The following USP13 variants were observed in gnomAD, a reference collection of about 807,000 sequenced individuals.
The protein encoded by USP13 is ubiquitin carboxyl-terminal hydrolase 13.
USP13 carries 68 observed loss-of-function variants against 107.8 expected under a neutral mutation model. That is an observed-to-expected ratio of 0.63 (90% CI 0.52 to 0.77). The LOEUF (loss-of-function observed/expected upper bound fraction) is 0.77. Ranked by LOEUF, USP13 falls within the 30% of genes least tolerant of loss-of-function variation. The pLI, the probability that USP13 is intolerant of heterozygous loss-of-function variation, is 0.00. For synonymous variants in USP13, 377 were observed against 389.5 expected, an observed-to-expected ratio of 0.97 and a Z score of 0.38; for missense variants, 945 against 1,093.3, an observed-to-expected ratio of 0.86 and a Z score of 1.91.
chr3:179,682,041 T>G, intron 2 of USP13, 38 bp downstream of exon 2: 3 of 1,593,636 alleles, frequency 1.9e-6, no homozygotes, highest in Non-Finnish European at 2.6e-6. Flanking sequence ...CCTTGATGTC[T>G]TCCCTGTAAC....
intron 3 of USP13, 27 bp downstream of exon 3, chr3:179,690,328 G>A (rs1560050102): frequency 6.2e-7 from 1 of 1,607,260 alleles, no homozygotes. Context: ...AGCATGCTCA[G>A]ATTTTGTGTT....
At chr3:179,762,396 C>T (rs906999130) in intron 17 of USP13, among the ~76,000 whole-genome samples, 9 of 152,302 alleles carry the variant, frequency 5.9e-5, no homozygotes, top group Middle Eastern at 6.8e-3. Flanking sequence ...GCCTGGCCAA[C>T]ATGGTGAAAC....
chr3:179,742,285 G>T lies in USP13; in HGVS notation c.1469G>T (p.Arg490Leu). The change falls in exon 12 of 21, where the codon CGC becomes CTC. Residue 490 changes from arginine (R) to leucine (L), a missense_variant. Physicochemically the swap from Arg to Leu is moderately radical, Grantham distance 102 (BLOSUM62 -2). Transcript: ENST00000263966. The surrounding 1 kb of genome is among the most constrained non-coding windows in gnomAD (Gnocchi z 5.0). ...RIQCCQTRKV[R>L]YTERVDYLMQ... ...CAGTGCTGTCAGACCCGGAAAGTCC[G>T]CTACACGGAGAGGGTGGATTACCTG... 6.2e-7 allele frequency: 1 copy of T among 1,614,204 alleles called. No individual in the cohort carries two copies. Among genetic ancestry groups the T allele is most frequent in the Non-Finnish European group, 8.5e-7 (1 of 1,180,044 alleles).
chr3:179,684,866 A>G (rs774324305), intron 2 of USP13, among the ~76,000 whole-genome samples: 1 of 146,594 alleles, frequency 6.8e-6, no homozygotes, highest in Non-Finnish European at 1.5e-5. Context: ...TTATTTTTCT[A>G]TATGGATTAT....
At chr3:179,723,599 T>G (rs1049386813) in intron 8 of USP13, among the ~76,000 whole-genome samples, 4 of 152,210 alleles carry the variant, frequency 2.6e-5, no homozygotes, top group African/African-American at 9.7e-5. Context: ...GAATTTAGTA[T>G]TTGAATCTCT....
chr3:179,789,026 A>G lies in USP13; in HGVS notation c.*4885A>G, dbSNP rs1199821962. The G allele has an allele frequency of 6.6e-6, 1 of 152,142 alleles. No homozygotes were observed. 9.4% of individuals were successfully genotyped at this position (152,142 alleles called of 1,614,324 possible). On this transcript the variant is annotated 3_prime_UTR_variant, in exon 21 of 21. Transcript: ENST00000263966. ...TACCTTTGCTCTTCTAGCATCTTCT[A>G]GGTACCAAGGATATTAGCCACTTGA...
At chr3:179,664,236 T>A (rs1032589758) in intron 1 of USP13, among the ~76,000 whole-genome samples, 3 of 151,672 alleles carry the variant, frequency 2.0e-5, no homozygotes, top group African/African-American at 4.8e-5. Context: ...GGATTACAGG[T>A]GTGTACCACC....
chr3:179,707,123 A>T, intron 5 of USP13, 47 bp downstream of exon 5: 1 of 1,553,486 alleles, frequency 6.4e-7, no homozygotes, highest in Non-Finnish European at 8.7e-7. Flanking sequence ...AAAACTGTCC[A>T]AAGGAATATT....
Position 179,740,305 on chromosome 3 carries a change from C to A in USP13, c.1313C>A (p.Pro438Gln), listed in dbSNP as rs776225594. The A allele has an allele frequency of 6.2e-7, 1 of 1,614,100 alleles. No homozygotes were observed. The highest frequency in any genetic ancestry group is 1.7e-5 in the Admixed American group (1 of 60,016). ...AAGGCCTTTGTAAGCAAGAGCCACC[C>A]GGAATTCTCCTCTAACAGGCAGCAA... ...MFKAFVSKSHPEFSSNRQQDA... is the reference protein window; with the variant it reads ...MFKAFVSKSHQEFSSNRQQDA... The change falls in exon 11 of 21, where the codon CCG becomes CAG. Residue 438 changes from proline (P) to glutamine (Q), a missense_variant. Coordinates refer to ENST00000263966, the MANE Select transcript of USP13 (RefSeq NM_003940.3).
chr3:179,786,461 C>T lies in USP13; in HGVS notation c.*2320C>T, dbSNP rs1207463502. On this transcript the variant is annotated 3_prime_UTR_variant, in exon 21 of 21. Coordinates refer to ENST00000263966, the MANE Select transcript of USP13 (RefSeq NM_003940.3). ...TAAATTGTTTGATTTCATTAACTAG[C>T]CCTTTTGATGCCTAGACATGTTGTA... 6.6e-6 allele frequency: 1 copy of T among 152,130 alleles called. No individual in the cohort carries two copies. Among genetic ancestry groups the T allele is most frequent in the Non-Finnish European group, 1.5e-5 (1 of 68,026 alleles). The allele number at this position is 152,130 out of a possible 1,614,324, so 9.4% of individuals were successfully genotyped here. A position where few individuals can be genotyped will look rare whatever the true frequency, so the allele number is the denominator to read the frequency against.
chr3:179,783,695 G>A (rs149866532), intron 20 of USP13, among the ~76,000 whole-genome samples: 124 of 152,126 alleles, frequency 8.2e-4, no homozygotes, highest in Middle Eastern at 3.4e-3. Context: ...CTTTTTGATG[G>A]AGCTTAAGAA....
At chr3:179,725,914 A>G (rs1393926644) in intron 8 of USP13, among the ~76,000 whole-genome samples, 1 of 152,174 alleles carries the variant, frequency 6.6e-6, no homozygotes, top group Non-Finnish European at 1.5e-5. Context: ...AACAGGATGG[A>G]AAGACCTCCT....
At chr3:179,730,467 A>T (rs916829067) in intron 9 of USP13, 149 bp from the exon 10 acceptor site, 1 of 831,196 alleles carries the variant, frequency 1.2e-6, no homozygotes, top group Non-Finnish European at 1.8e-6. Context: ...AGTATGAAGC[A>T]GAATCAAATA....
intron 4 of USP13, among the ~76,000 whole-genome samples, chr3:179,706,589 G>T (rs1011733185): frequency 1.3e-5 from 2 of 152,276 alleles, no homozygotes. Context: ...TAAATCCTGG[G>T]CATTCCTGTA....
chr3:179,749,231 A>G (rs1411615400), intron 13 of USP13, among the ~76,000 whole-genome samples: 2 of 152,178 alleles, frequency 1.3e-5, no homozygotes, highest in Non-Finnish European at 2.9e-5. Flanking sequence ...AACAATCAAT[A>G]TATTTTAAAT....
At chr3:179,675,735 A>G (rs1360058172) in intron 1 of USP13, among the ~76,000 whole-genome samples, 2 of 152,012 alleles carry the variant, frequency 1.3e-5, no homozygotes, top group African/African-American at 4.8e-5. Flanking sequence ...TTTAGTAGCA[A>G]TGAGGTTTCA....
chr3:179,764,572 C>G (rs1010545737), intron 18 of USP13, among the ~76,000 whole-genome samples: 9 of 152,112 alleles, frequency 5.9e-5, no homozygotes, highest in South Asian at 2.1e-4. Context: ...GGGTAAATGT[C>G]TCTTAAAAGT....
chr3:179,704,982 G>A lies in USP13; in HGVS notation c.478-1952G>A, dbSNP rs114613480. Among the ~76,000 whole-genome samples the A allele has an allele frequency of 6.1e-3, 923 of 152,262 alleles. 9 individuals carry two copies. The highest frequency in any genetic ancestry group is 0.021 in the African/African-American group (877 of 41,542). On this transcript the variant is annotated intron_variant, in intron 4 of 20. Transcript: ENST00000263966. ...GGCAGATCACTCTGGCTGCTATGCA[G>A]AGAAGAGGGGCAGGGCTAGAGGGAA... is the stretch of plus-strand genomic sequence containing the variant.
chr3:179,698,879 T>G (rs1454938071), intron 3 of USP13, among the ~76,000 whole-genome samples: 3 of 151,742 alleles, frequency 2.0e-5, no homozygotes, highest in Admixed American at 6.6e-5. Flanking sequence ...CTATTTTTTT[T>G]TTTTTTCTGA....
Sources: gnomAD v4.1 joint callset for allele counts (sites outside exome capture counted in the v4.1 genomes callset) on GRCh38, gnomAD v4.1.1 for gene constraint, Gnocchi (gnomAD v3.1) non-coding constraint, MANE v1.5 for transcripts, NCBI Gene and HGNC (gene_info 2026-07-23, HGNC 2026-07-21) for gene names.